PDE4D: variants seen among roughly 807,000 people sequenced by gnomAD.
PDE4D encodes 3',5'-cyclic-AMP phosphodiesterase 4D.
A neutral mutation model predicts 87.4 loss-of-function variants in PDE4D; 24 were observed. The observed-to-expected ratio is 0.27, with a 90% CI of 0.20 to 0.39. The LOEUF (loss-of-function observed/expected upper bound fraction) is 0.39, where lower values mean the gene tolerates loss of function less well. PDE4D is among the 10% of genes least tolerant of loss of function. PDE4D has a pLI of 1.00. For synonymous variants in PDE4D, 384 were observed against 383.2 expected (o/e 1.00, Z -0.02); for missense variants, 714 against 1,041.0 (o/e 0.69, Z 4.32).
At chr5:59,021,760 T>C (rs1755186689) in intron 6 of PDE4D, among the ~76,000 whole-genome samples, 1 of 152,236 alleles carries the variant, frequency 6.6e-6, no homozygotes, top group Non-Finnish European at 1.5e-5. Context: ...TTAGGAGATT[T>C]AAAATGGAAT....
chr5:59,354,300 T>C (rs896827022), intron 1 of PDE4D, among the ~76,000 whole-genome samples: 10 of 152,220 alleles, frequency 6.6e-5, no homozygotes, highest in Non-Finnish European at 1.5e-4. Context: ...TAAGCTTAAG[T>C]TACTTTCACC....
chr5:59,666,186 C>G (rs1746050919), intron 1 of PDE4D, among the ~76,000 whole-genome samples: 1 of 152,144 alleles, frequency 6.6e-6, no homozygotes, highest in Non-Finnish European at 1.5e-5. Context: ...GTCTCGAACT[C>G]CTGACCTCAG....
intron 1 of PDE4D, among the ~76,000 whole-genome samples, chr5:59,575,194 G>C (rs368683581): frequency 6.6e-6 from 1 of 152,250 alleles, no homozygotes; most frequent in African/African-American, 2.4e-5. Context: ...AGCTTAGTTT[G>C]ACAGTGAAAG....
At chr5:60,214,794 G>T (rs1351256327) in intron 1 of PDE4D, among the ~76,000 whole-genome samples, 1 of 152,104 alleles carries the variant, frequency 6.6e-6, no homozygotes. Context: ...CCTAAAAGGA[G>T]ACATTTAAAC....
chr5:59,275,460 AC>A, intron 1 of PDE4D: 1 of 1,570,232 alleles, frequency 6.4e-7, no homozygotes, highest in Non-Finnish European at 8.6e-7. Flanking sequence ...ATACATTCTA[AC>A]TGTCTTTCTG....
intron 5 of PDE4D, among the ~76,000 whole-genome samples, chr5:59,129,051 A>C (rs1351547920): frequency 6.6e-6 from 1 of 152,196 alleles, no homozygotes; most frequent in Non-Finnish European, 1.5e-5. Context: ...CCTAATGACC[A>C]AACCTCAAAC....
At chr5:59,210,200 C>T (rs912222278) in intron 2 of PDE4D, among the ~76,000 whole-genome samples, 11 of 152,184 alleles carry the variant, frequency 7.2e-5, no homozygotes, top group Non-Finnish European at 1.6e-4. Flanking sequence ...TGACTACAAA[C>T]TTTTCATGTA....
chr5:59,149,706 G>GTTTTTTTTT lies in PDE4D; in HGVS notation c.808+30880_808+30888dup, dbSNP rs76421367. 7.5e-4 allele frequency among the ~76,000 whole-genome samples: 52 copies of GTTTTTTTTT among 69,274 alleles called. 7 individuals carry two copies. Among genetic ancestry groups the GTTTTTTTTT allele is most frequent in the Non-Finnish European group, 1.0e-3 (39 of 39,152 alleles). 45.4% of individuals were successfully genotyped at this position (69,274 alleles called of 152,430 possible). On this transcript the variant is annotated intron_variant, in intron 5 of 14. Coordinates refer to ENST00000340635, the MANE Select transcript of PDE4D (RefSeq NM_001104631.2). ...TTTGCCTTTCTCCCTCTCTCCTCGAGTTTTTTTTTTTTTTTTTTTTTTTTC... is the reference window on the plus strand; with the variant it reads ...TTTGCCTTTCTCCCTCTCTCCTCGAGTTTTTTTTTTTTTTTTTTTTTTTTTTTTTTTTTC...
At chr5:60,034,281 A>G (rs1006052231) in intron 2 of PDE4D, among the ~76,000 whole-genome samples, 1 of 152,210 alleles carries the variant, frequency 6.6e-6, no homozygotes, top group African/African-American at 2.4e-5. Context: ...TGAGTGGTTT[A>G]AAACACCACA....
intron 8 of PDE4D, 69 bp from the exon 9 acceptor site, chr5:58,990,971 A>G (rs1747780730): frequency 1.1e-6 from 1 of 891,730 alleles, no homozygotes; most frequent in Non-Finnish European, 1.7e-6. Context: ...CAATGAACAC[A>G]ATCATTTAAA....
chr5:60,290,003 A>C (rs999374415), intron 1 of PDE4D, among the ~76,000 whole-genome samples: 16 of 152,200 alleles, frequency 1.1e-4, no homozygotes, highest in African/African-American at 3.6e-4. Flanking sequence ...TAATTTATGG[A>C]TGAGGATGAA....
intron 1 of PDE4D, among the ~76,000 whole-genome samples, chr5:59,540,374 A>C (rs1816102130): frequency 6.6e-6 from 1 of 152,186 alleles, no homozygotes; most frequent in Non-Finnish European, 1.5e-5. Flanking sequence ...AAAAAAAACC[A>C]AAAAACAGAA....
chr5:60,287,373 G>A (rs1752512385), intron 1 of PDE4D, among the ~76,000 whole-genome samples: 1 of 152,188 alleles, frequency 6.6e-6, no homozygotes, highest in African/African-American at 2.4e-5. Flanking sequence ...TTGCTGTGTA[G>A]GAGAGGCGCC....
chr5:60,513,294 G>C (rs1056600012), intron 1 of PDE4D, among the ~76,000 whole-genome samples: 3 of 152,112 alleles, frequency 2.0e-5, no homozygotes, highest in African/African-American at 7.2e-5. Flanking sequence ...TAAAGCTGAA[G>C]TAGCCATGTT....
intron 1 of PDE4D, among the ~76,000 whole-genome samples, chr5:59,612,198 AT>A (rs1829089756): frequency 6.6e-6 from 1 of 151,024 alleles, no homozygotes; most frequent in Non-Finnish European, 1.5e-5. Flanking sequence ...AAAACAATTA[AT>A]TCAATATATA....
At chr5:59,984,124 A>T (rs1011077701) in intron 3 of PDE4D, among the ~76,000 whole-genome samples, 1 of 152,246 alleles carries the variant, frequency 6.6e-6, no homozygotes, top group Non-Finnish European at 1.5e-5. Flanking sequence ...AGAGGAGGCA[A>T]AATAACCTTT....
At chr5:59,257,721 T>C (rs988520831) in intron 1 of PDE4D, among the ~76,000 whole-genome samples, 3 of 152,044 alleles carry the variant, frequency 2.0e-5, no homozygotes, top group Non-Finnish European at 2.9e-5. Flanking sequence ...ATCTTACACC[T>C]AATAAAAATG....
Position 60,046,735 on chromosome 5 carries a change from T to C in PDE4D, c.43-58018A>G, listed in dbSNP as rs1457805713. ...ATGAGGCCCACTTGATCATGGTGGATAAGCTTTTTGATGTGCTGCTGGATT... is the reference window on the plus strand; with the variant it reads ...ATGAGGCCCACTTGATCATGGTGGACAAGCTTTTTGATGTGCTGCTGGATT... On this transcript the variant is annotated intron_variant, in intron 2 of 16. Transcript: ENST00000502484. Among the ~76,000 whole-genome samples, 5 of 152,348 alleles carry C rather than the reference T, an allele frequency of 3.3e-5. No homozygotes were observed. The East Asian group carries it at 7.7e-4, about 23-fold the overall frequency.
At chr5:60,167,177 T>C (rs535854134) in intron 2 of PDE4D, among the ~76,000 whole-genome samples, 1 of 152,172 alleles carries the variant, frequency 6.6e-6, no homozygotes, top group Non-Finnish European at 1.5e-5. Flanking sequence ...CACCAATGAC[T>C]CAAACATTTG....
Sources: allele counts gnomAD v4.1 joint callset (sites outside exome capture counted in the v4.1 genomes callset), GRCh38; gene constraint gnomAD v4.1.1; transcripts MANE v1.5; gene names NCBI Gene and HGNC (gene_info 2026-07-23, HGNC 2026-07-21).